ETV5: variants seen among roughly 807,000 people sequenced by gnomAD.
ETV5 encodes the protein ETS translocation variant 5.
In ETV5, 10 loss-of-function variants were observed where a neutral mutation model predicts 70.0. The ratio of observed to expected loss-of-function variants is 0.14; its 90% CI spans 0.09 to 0.24. ETV5 has a LOEUF of 0.24. Among genes scored for constraint, ETV5 ranks in the 10% least tolerant of loss-of-function variants. The pLI is 1.00. For missense variants in ETV5, 453 were observed against 651.2 expected (o/e 0.70, Z 3.31); for synonymous variants, 216 against 242.2 (o/e 0.89, Z 1.01).
rs145646354 is a variant in ETV5, at chr3:186,071,115, G to A, written c.651-5043C>T. Among the ~76,000 whole-genome samples the A allele has an allele frequency of 2.7e-3, 418 of 152,012 alleles. 4 individuals are homozygous for A. Among genetic ancestry groups the A allele is most frequent in the African/African-American group, 9.4e-3 (391 of 41,406 alleles). On this transcript the variant is annotated intron_variant, in intron 7 of 12. Coordinates refer to ENST00000306376, the MANE Select transcript of ETV5 (RefSeq NM_004454.3). ...CCCACACTCCCAACATTTGGTTTAC[G>A]TTATGAAAACCGTTAGATGCTTTTT...
At chr3:186,107,796 A>G (rs1714626102) in intron 1 of ETV5, among the ~76,000 whole-genome samples, 1 of 151,950 alleles carries the variant, frequency 6.6e-6, no homozygotes, top group African/African-American at 2.4e-5. Context: ...CCGCCACATC[A>G]GGTAGAGGCT....
intron 5 of ETV5, among the ~76,000 whole-genome samples, chr3:186,093,608 G>A (rs185683937): frequency 1.5e-4 from 23 of 152,322 alleles, no homozygotes; most frequent in African/African-American, 5.1e-4. Context: ...CATGGAAGTC[G>A]GCTTGGGAGG....
chr3:186,108,577 C>T, intron 1 of ETV5: 1 of 1,251,608 alleles, frequency 8.0e-7, no homozygotes, highest in Non-Finnish European at 1.0e-6. Context: ...TTCTCGCGAG[C>T]CTCCAAGTCC....
At chr3:186,067,401 C>T (rs1039226968) in intron 7 of ETV5, among the ~76,000 whole-genome samples, 6 of 152,068 alleles carry the variant, frequency 3.9e-5, no homozygotes, top group African/African-American at 1.4e-4. Context: ...CACTGCACAC[C>T]AGCCTTGTGA....
chr3:186,047,075 C>A lies in ETV5; in HGVS notation c.*1564G>T. ...GTGTCTCACACTCACGGAGTCAGCA[C>A]TGCCTCCTTCACATACGAGGAACAG... On this transcript the variant is annotated 3_prime_UTR_variant, in exon 13 of 13. Transcript: ENST00000306376. 4.4e-6 allele frequency: 1 copy of A among 228,298 alleles called. No homozygotes were observed. The highest frequency in any genetic ancestry group is 8.7e-6 in the Non-Finnish European group (1 of 114,618). The allele number at this position is 228,298 out of a possible 1,614,324, so 14.1% of individuals were successfully genotyped here.
At chr3:186,056,971 G>A (rs898322303) in intron 11 of ETV5, 104 bp downstream of exon 11, 2 of 1,338,028 alleles carry the variant, frequency 1.5e-6, no homozygotes, top group African/African-American at 1.5e-5. Flanking sequence ...TGAATGAGAA[G>A]CAAGAGCAGA....
At chr3:186,082,144 T>C (rs995260168) in intron 5 of ETV5, among the ~76,000 whole-genome samples, 5 of 152,234 alleles carry the variant, frequency 3.3e-5, no homozygotes, top group African/African-American at 9.6e-5. Context: ...TTATCCAAAG[T>C]GGAAAGATGC....
At chr3:186,076,322 CTG>C in intron 7 of ETV5, 1 of 201,794 alleles carries the variant, frequency 5.0e-6, no homozygotes, top group Non-Finnish European at 1.0e-5. Context: ...GGGGGTCTCA[CTG>C]TGTTGTCCAG....
chr3:186,102,242 C>T (rs919791835), intron 5 of ETV5, among the ~76,000 whole-genome samples: 1 of 151,948 alleles, frequency 6.6e-6, no homozygotes, highest in African/African-American at 2.4e-5. Context: ...TAGTATTTCT[C>T]TTTCTTTCAT....
chr3:186,095,978 G>T (rs546487251), intron 5 of ETV5, among the ~76,000 whole-genome samples: 50 of 152,276 alleles, frequency 3.3e-4, no homozygotes, highest in Middle Eastern at 3.4e-3. Flanking sequence ...CACGTGACAG[G>T]GCTCCTCTGC....
intron 5 of ETV5, among the ~76,000 whole-genome samples, chr3:186,094,892 C>T (rs1291032436): frequency 2.0e-5 from 3 of 152,164 alleles, no homozygotes; most frequent in Non-Finnish European, 4.4e-5. Flanking sequence ...GTTCTTCTGA[C>T]TTCTAATGCA....
intron 5 of ETV5, chr3:186,084,316 G>C: frequency 2.6e-6 from 1 of 389,570 alleles, no homozygotes; most frequent in Admixed American, 3.6e-5. Flanking sequence ...GTTGACATTT[G>C]AGCTAATAAA....
chr3:186,069,336 T>C (rs1235682377), intron 7 of ETV5, among the ~76,000 whole-genome samples: 1 of 152,210 alleles, frequency 6.6e-6, no homozygotes, highest in Non-Finnish European at 1.5e-5. Context: ...TAGCCTTTCA[T>C]GGGGCGCTGA....
intron 9 of ETV5, among the ~76,000 whole-genome samples, chr3:186,064,020 C>T (rs1449453315): frequency 6.6e-6 from 1 of 152,158 alleles, no homozygotes; most frequent in East Asian, 1.9e-4. Flanking sequence ...CTCCTAAATT[C>T]CAGTTTCAGC....
At chr3:186,071,571 C>T (rs375272328) in intron 7 of ETV5, among the ~76,000 whole-genome samples, 4 of 152,162 alleles carry the variant, frequency 2.6e-5, no homozygotes, top group Non-Finnish European at 4.4e-5. Flanking sequence ...TTATAAGGCC[C>T]GGCCCTGTTA....
rs549664364 is a variant in ETV5 at position 186,085,372 on chromosome 3, C to T, written c.233-4197G>A. On this transcript the variant is annotated intron_variant, in intron 5 of 12. Coordinates refer to ENST00000306376, the MANE Select transcript of ETV5 (RefSeq NM_004454.3). ...CATGTTTACCCTACACTCCCCAGTG[C>T]GAGCCACACGTCATACCCCTAAATC... Among the ~76,000 whole-genome samples, 8 of 152,210 alleles carry T rather than the reference C, an allele frequency of 5.3e-5. No homozygotes were observed. The South Asian group carries it at 8.3e-4, about 16-fold the overall frequency.
chr3:186,072,803 G>C (rs142307419), intron 7 of ETV5, among the ~76,000 whole-genome samples: 277 of 152,342 alleles, frequency 1.8e-3, no homozygotes, highest in African/African-American at 6.4e-3. Context: ...CATGTCCCCA[G>C]GATATCAGAT....
Position 186,105,267 on chromosome 3 carries a change from T to G in ETV5, c.232+38A>C. The G allele has an allele frequency of 6.3e-7, 1 of 1,588,748 alleles. No homozygotes were observed. Among genetic ancestry groups the G allele is most frequent in the Non-Finnish European group, 8.6e-7 (1 of 1,164,874 alleles). ...ACATGGATGATCTAAGACCAAACAA[T>G]TTCAGAACAAATGTGCCATCACCAG... On this transcript the variant is annotated intron_variant, in intron 5 of 12. Transcript: ENST00000306376. The surrounding 1 kb of genome is among the most constrained non-coding windows in gnomAD (Gnocchi z 4.5).
At chr3:186,062,642 C>A (rs185134159) in intron 9 of ETV5, among the ~76,000 whole-genome samples, 11 of 152,042 alleles carry the variant, frequency 7.2e-5, no homozygotes, top group African/African-American at 2.4e-4. Flanking sequence ...CAAAACCAAA[C>A]CCAGAAATAT....
Sources: allele counts gnomAD v4.1 joint callset (sites outside exome capture counted in the v4.1 genomes callset), GRCh38; gene constraint gnomAD v4.1.1; non-coding constraint Gnocchi (gnomAD v3.1); transcripts MANE v1.5; gene names NCBI Gene and HGNC (gene_info 2026-07-23, HGNC 2026-07-21).